GPC3: variants seen among roughly 807,000 people sequenced by gnomAD.
The protein encoded by GPC3 is glypican-3.
Under a neutral mutation model 34.4 loss-of-function variants are expected in GPC3, and 3 were observed. The ratio of observed to expected loss-of-function variants is 0.09; its 90% CI spans 0.04 to 0.23. The LOEUF (loss-of-function observed/expected upper bound fraction) is 0.23, where lower values mean the gene tolerates loss of function less well. Ranked by LOEUF, GPC3 falls within the 10% of genes least tolerant of loss-of-function variation. The probability of loss-of-function intolerance (pLI) is 1.00; values close to 1 mark genes in which losing one functional copy is unlikely to be tolerated. For synonymous variants in GPC3, 177 were observed against 174.0 expected, an observed-to-expected ratio of 1.02 and a Z score of -0.13; for missense variants, 351 against 445.6, an observed-to-expected ratio of 0.79 and a Z score of 1.91.
intron 2 of GPC3, among the ~76,000 whole-genome samples, chrX:133,862,524 CAAAA>C (rs760286014): frequency 4.5e-4 from 34 of 75,930 alleles, no homozygotes; most frequent in African/African-American, 1.6e-3. Context: ...ACTAAAAATA[CAAAA>C]AAAAAAAAAA....
intron 6 of GPC3, among the ~76,000 whole-genome samples, chrX:133,655,506 C>CCACACA (rs763587305): frequency 8.4e-5 from 8 of 94,716 alleles, no homozygotes; most frequent in South Asian, 4.5e-4. Context: ...ACACACACAC[C>CCACACA]CACACACACA....
At chrX:133,905,548 T>C (rs2076164289) in intron 2 of GPC3, among the ~76,000 whole-genome samples, 1 of 112,128 alleles carries the variant, frequency 8.9e-6, no homozygotes, top group South Asian at 3.7e-4. Context: ...CTTCAGGTTA[T>C]CATGTGGAAA....
chrX:133,824,752 C>CCTA (rs111997014), intron 2 of GPC3, among the ~76,000 whole-genome samples: 6,777 of 111,406 alleles, frequency 0.061, 308 homozygotes, highest in African/African-American at 0.15. Context: ...GCTCTATATA[C>CCTA]CTGTGTCCAC....
intron 2 of GPC3, among the ~76,000 whole-genome samples, chrX:133,832,021 A>G (rs5977918): frequency 0.08 from 8,969 of 111,699 alleles, 599 homozygotes; most frequent in African/African-American, 0.21. Context: ...GGAGGCTCAC[A>G]CCTGTAATCC....
rs372329472 is a variant in GPC3, at chrX:133,934,541, C to T, written c.337+18509G>A. Among the ~76,000 whole-genome samples, 25 of 108,245 alleles carry T rather than the reference C, an allele frequency of 2.3e-4. 3 individuals carry two copies. In the East Asian group the frequency reaches 4.4e-3, roughly 19 times the overall value. The allele number at this position is 108,245 out of a possible 115,157, so 94.0% of individuals were successfully genotyped here. On this transcript the variant is annotated intron_variant, in intron 2 of 7. Coordinates refer to ENST00000370818, the MANE Select transcript of GPC3 (RefSeq NM_004484.4). The stretch of plus-strand genomic sequence containing the variant: ...ACATATATATTTTTTAAGACAGGAT[C>T]TCACTTTGTTGCCCAGGCTAGAGTG...
intron 5 of GPC3, among the ~76,000 whole-genome samples, chrX:133,676,046 G>T (rs1192301384): frequency 8.9e-6 from 1 of 112,265 alleles, no homozygotes; most frequent in Non-Finnish European, 1.9e-5. Flanking sequence ...ACCGGTGATT[G>T]AGAGTGTGTA....
At chrX:133,630,060 TAAAAAAG>T (rs1334109078) in intron 6 of GPC3, among the ~76,000 whole-genome samples, 1 of 104,117 alleles carries the variant, frequency 9.6e-6, no homozygotes, top group East Asian at 3.0e-4. Context: ...ATCTCAAAAA[TAAAAAAG>T]AAAAAAGAAA....
intron 3 of GPC3, among the ~76,000 whole-genome samples, chrX:133,709,110 T>C (rs2071243469): frequency 8.9e-6 from 1 of 112,286 alleles, no homozygotes; most frequent in South Asian, 3.7e-4. Flanking sequence ...TATGCAAATA[T>C]ATCATTCTCT....
chrX:133,798,755 C>A (rs1265212737), intron 2 of GPC3, among the ~76,000 whole-genome samples: 1 of 112,078 alleles, frequency 8.9e-6, no homozygotes, highest in Non-Finnish European at 1.9e-5. Flanking sequence ...TTTTAGAAGG[C>A]AAATAGTCCT....
intron 5 of GPC3, chrX:133,671,203 C>T: frequency 8.5e-7 from 1 of 1,173,194 alleles, no homozygotes; most frequent in South Asian, 1.8e-5. Context: ...CTGGCTTTGG[C>T]ATGATTTATG....
intron 2 of GPC3, among the ~76,000 whole-genome samples, chrX:133,806,604 AATTTATTT>A (rs1000432235): frequency 1.8e-5 from 2 of 111,000 alleles, no homozygotes; most frequent in African/African-American, 3.3e-5. Context: ...CACCTATTTT[AATTTATTT>A]ATTTATTTAT....
chrX:133,608,195 C>T (rs752712106), intron 6 of GPC3, among the ~76,000 whole-genome samples: 9 of 113,005 alleles, frequency 8.0e-5, no homozygotes, highest in Non-Finnish European at 1.3e-4. Flanking sequence ...GGCACCCTTG[C>T]GGGCCACCAA....
At chrX:133,781,159 C>G (rs2124502856) in intron 2 of GPC3, among the ~76,000 whole-genome samples, 1 of 111,843 alleles carries the variant, frequency 8.9e-6, no homozygotes, top group Non-Finnish European at 1.9e-5. Context: ...AAAGGTAGCT[C>G]TATATTTTCT....
chrX:133,968,237 C>T (rs979698650), intron 1 of GPC3, among the ~76,000 whole-genome samples: 4 of 112,586 alleles, frequency 3.6e-5, no homozygotes, highest in African/African-American at 9.7e-5. Context: ...CCTCAATCAA[C>T]GTGGGGACCA....
chrX:133,628,681 C>T (rs1312624514), intron 6 of GPC3, among the ~76,000 whole-genome samples: 1 of 110,219 alleles, frequency 9.1e-6, no homozygotes, highest in Non-Finnish European at 1.9e-5. Context: ...GATATGTGGC[C>T]TCAAATACAT....
At chrX:133,672,308 G>A (rs767533882) in intron 5 of GPC3, among the ~76,000 whole-genome samples, 3 of 111,866 alleles carry the variant, frequency 2.7e-5, no homozygotes, top group Admixed American at 9.5e-5. Context: ...TGTGAGAATC[G>A]CAAGCTAGGC....
intron 2 of GPC3, among the ~76,000 whole-genome samples, chrX:133,786,524 T>C (rs954270658): frequency 8.0e-5 from 9 of 112,597 alleles, no homozygotes; most frequent in Non-Finnish European, 9.4e-5. Context: ...CAAGTGTGTA[T>C]TAGACGCTTT....
Position 133,897,007 on chromosome X carries a change from C to T in GPC3, c.337+56043G>A, listed in dbSNP as rs951809465. ...CTGCAAGCTCCACCTCCCGGGTTCA[C>T]GCCATTCTCCTGCCTCAGCCTCCCA... On this transcript the variant is annotated intron_variant, in intron 2 of 7. Transcript: ENST00000370818. 2.8e-4 allele frequency among the ~76,000 whole-genome samples: 30 copies of T among 105,722 alleles called. 1 individual carries two copies. Among genetic ancestry groups the T allele is most frequent in the East Asian group, 3.0e-4 (1 of 3,333 alleles). The allele number at this position is 105,722 out of a possible 115,157, so 91.8% of individuals were successfully genotyped here.
intron 6 of GPC3, among the ~76,000 whole-genome samples, chrX:133,624,855 C>CAA (rs1332997986): frequency 2.0e-5 from 2 of 98,310 alleles, no homozygotes; most frequent in African/African-American, 7.4e-5. Context: ...AGTGACACAA[C>CAA]AAAAAAAAAA....
Sources: allele counts gnomAD v4.1 joint callset (sites outside exome capture counted in the v4.1 genomes callset), GRCh38; gene constraint gnomAD v4.1.1; transcripts MANE v1.5; gene names NCBI Gene and HGNC (gene_info 2026-07-23, HGNC 2026-07-21).